The following CCR6 variants were observed in gnomAD, a reference collection of about 807,000 sequenced individuals.
CCR6 encodes the protein C-C chemokine receptor type 6.
Under a neutral mutation model 3.0 loss-of-function variants are expected in CCR6, and 2 were observed. The observed-to-expected ratio is 0.66, with a 90% confidence interval of 0.27 to 2.07. The LOEUF (loss-of-function observed/expected upper bound fraction) is 2.07, where lower values mean the gene tolerates loss of function less well. CCR6 is among the 30% of genes most tolerant of loss of function. The probability of loss-of-function intolerance (pLI) is 0.14; values close to 1 mark genes in which losing one functional copy is unlikely to be tolerated. For synonymous variants in CCR6, 193 were observed against 184.3 expected, an observed-to-expected ratio of 1.05 and a Z score of -0.38; for missense variants, 322 against 462.8, an observed-to-expected ratio of 0.70 and a Z score of 2.79.
intron 1 of CCR6, among the ~76,000 whole-genome samples, chr6:167,124,019 G>A (rs888467020): frequency 2.0e-5 from 3 of 152,156 alleles, no homozygotes; most frequent in Non-Finnish European, 4.4e-5. Context: ...GGCTGAGGCA[G>A]GAGAATCACT....
chr6:167,114,453 C>A (rs1781463684), intron 1 of CCR6, among the ~76,000 whole-genome samples: 1 of 152,192 alleles, frequency 6.6e-6, no homozygotes, highest in East Asian at 1.9e-4. Context: ...CATTTGAACC[C>A]CAAGGAGAGG....
upstream of CCR6, among the ~76,000 whole-genome samples, chr6:167,120,238 G>A (rs1781566031): frequency 6.6e-6 from 1 of 152,112 alleles, no homozygotes; most frequent in South Asian, 2.1e-4. Context: ...TTGGGCTGGG[G>A]GACTCCCACA....
chr6:167,123,542 T>C (rs1479652656), intron 1 of CCR6, among the ~76,000 whole-genome samples: 1 of 152,220 alleles, frequency 6.6e-6, no homozygotes, highest in African/African-American at 2.4e-5. Context: ...TGTGATTCTT[T>C]ATTTGATCAA....
In CCR6 at chr6:167,137,310, C is replaced by T. The variant is rs1781864554; in HGVS notation, c.1080C>T (p.Thr360=). Residue 360 remains threonine, a synonymous_variant, in exon 3 of 3, where the codon ACC becomes ACT. Coordinates refer to ENST00000341935, the MANE Select transcript of CCR6 (RefSeq NM_031409.4). This position sits in a 1 kb window ranked among gnomAD's most constrained non-coding sequence, Gnocchi z 4.6. Reference sequence around the variant, plus strand: ...ACTCAGAAAACATTTCTCGGCAGACCAGTGAGACCGCAGATAACGACAATG... The same window carrying T: ...ACTCAGAAAACATTTCTCGGCAGACTAGTGAGACCGCAGATAACGACAATG... ...GRYSENISRQ[T]SETADNDNAS... The T allele has an allele frequency of 6.2e-7, 1 of 1,613,732 alleles. No individual in the cohort carries two copies. The highest frequency in any genetic ancestry group is 1.3e-5 in the African/African-American group (1 of 74,868).
intron 1 of CCR6, among the ~76,000 whole-genome samples, chr6:167,112,203 G>A (rs113899837): frequency 0.028 from 4,306 of 152,252 alleles, 204 homozygotes; most frequent in African/African-American, 0.098. Flanking sequence ...CCTTTGTTGA[G>A]TCTATTATGT....
upstream of CCR6, among the ~76,000 whole-genome samples, chr6:167,120,682 G>T (rs1247634586): frequency 6.6e-6 from 1 of 152,184 alleles, no homozygotes; most frequent in Non-Finnish European, 1.5e-5. Context: ...CTTTTCTTAG[G>T]AATGAACTTC....
At chr6:167,135,338 G>A (rs964505717) in intron 1 of CCR6, among the ~76,000 whole-genome samples, 3 of 152,218 alleles carry the variant, frequency 2.0e-5, no homozygotes, top group African/African-American at 7.2e-5. Flanking sequence ...TGATTAGGAT[G>A]CCTCTGCCAC....
At position 167,136,083 on chromosome 6, in the gene CCR6, C is replaced by T. The variant is rs1353374271; in HGVS notation, c.-52C>T. 1 of 1,604,648 alleles carries T rather than the reference C, an allele frequency of 6.2e-7. No individual in the cohort carries two copies. Among genetic ancestry groups the T allele is most frequent in the Non-Finnish European group, 8.5e-7 (1 of 1,176,090 alleles). On this transcript the variant is annotated 5_prime_UTR_variant, in exon 2 of 3. Transcript: ENST00000341935. The surrounding 1 kb of genome is among the most constrained non-coding windows in gnomAD (Gnocchi z 4.6). ...TACCGCTGCCTGTGAGCTGAAGGGG[C>T]TGAACCATACACTCCTTTTTCTACA... is the stretch of plus-strand genomic sequence containing the variant.
chr6:167,131,267 T>C (rs1481885943), intron 1 of CCR6: 1 of 152,254 alleles, frequency 6.6e-6, no homozygotes, highest in Non-Finnish European at 1.5e-5. Context: ...CCGTAGACAG[T>C]TCATAAACAT....
intron 1 of CCR6, chr6:167,115,151 G>T (rs1781474026): frequency 3.9e-5 from 6 of 152,240 alleles, no homozygotes; most frequent in Admixed American, 3.9e-4. Context: ...GGCTAATGGG[G>T]GCTGTGCTGC....
intron 1 of CCR6, among the ~76,000 whole-genome samples, chr6:167,133,932 G>GTGTATA (rs1183741225): frequency 0.011 from 1,197 of 110,330 alleles, 92 homozygotes; most frequent in Middle Eastern, 0.026. Flanking sequence ...ATATATGTGT[G>GTGTATA]TATATATATA....
chr6:167,136,359 G>T lies in CCR6; in HGVS notation c.129G>T (p.Gln43His). 2 of 1,614,216 alleles carry T rather than the reference G, an allele frequency of 1.2e-6. No individual in the cohort carries two copies. The highest frequency in any genetic ancestry group is 1.7e-6 in the Non-Finnish European group (2 of 1,180,026). ...MLLCSLQEVR[Q>H]FSRLFVPIAY... ...TGTGCTCCTTGCAGGAGGTCAGGCA[G>T]TTCTCCAGGCTATTTGTACCGATTG... The change falls in exon 3 of 3, where the codon CAG becomes CAT. Residue 43 changes from glutamine to histidine, a missense_variant. Coordinates refer to ENST00000341935, the MANE Select transcript of CCR6 (RefSeq NM_031409.4). The surrounding 1 kb of genome is among the most constrained non-coding windows in gnomAD (Gnocchi z 4.6).
At chr6:167,130,396 A>G (rs567640277) in intron 1 of CCR6, among the ~76,000 whole-genome samples, 2 of 151,880 alleles carry the variant, frequency 1.3e-5, no homozygotes, top group Non-Finnish European at 2.9e-5. Flanking sequence ...TCACATCAAC[A>G]TTTTCTTAAT....
At chr6:167,133,785 G>A (rs972606658) in intron 1 of CCR6, among the ~76,000 whole-genome samples, 2 of 150,996 alleles carry the variant, frequency 1.3e-5, no homozygotes, top group Admixed American at 6.6e-5. Flanking sequence ...ATTAATTTAG[G>A]TCTTATTTAA....
Position 167,136,062 on chromosome 6 carries a change from G to A in CCR6, c.-73G>A, listed in dbSNP as rs17860849. 12,372 of 1,548,124 alleles carry A rather than the reference G, an allele frequency of 8.0e-3. 65 individuals carry two copies. The highest frequency in any genetic ancestry group is 9.9e-3 in the Non-Finnish European group (11,262 of 1,138,802). On this transcript the variant is annotated 5_prime_UTR_variant, in exon 2 of 3. Transcript: ENST00000341935. This position sits in a 1 kb window ranked among gnomAD's most constrained non-coding sequence, Gnocchi z 4.6. ...GAGTCACCTCTACTTTCCTGCTACCGCTGCCTGTGAGCTGAAGGGGCTGAA... is the reference window on the plus strand; with the variant it reads ...GAGTCACCTCTACTTTCCTGCTACCACTGCCTGTGAGCTGAAGGGGCTGAA...
chr6:167,130,993 C>CCCTCCCTCCGGGACTA, intron 1 of CCR6, among the ~76,000 whole-genome samples: 1 of 139,484 alleles, frequency 7.2e-6, no homozygotes, highest in Non-Finnish European at 1.6e-5. Flanking sequence ...CTCTGGACCC[C>CCCTCCCTCCGGGACTA]CTCCCTTTGG....
rs536228539 is a variant in CCR6, at chr6:167,132,274, T to C, written c.-97-3764T>C. Among the ~76,000 whole-genome samples the C allele has an allele frequency of 3.9e-5, 6 of 152,324 alleles. No individual in the cohort carries two copies. In the East Asian group the frequency reaches 9.6e-4, roughly 24 times the overall value. ...TTTTTCAGTTTGGGACGGTTAAGAA[T>C]AAACCTGCTGGGAATGTTCCAGTGT... On this transcript the variant is annotated intron_variant, in intron 1 of 2. Transcript: ENST00000341935.
chr6:167,131,555 G>A, intron 1 of CCR6: 1 of 152,912 alleles, frequency 6.5e-6, no homozygotes, highest in Non-Finnish European at 1.5e-5. Context: ...TGCAGCGACC[G>A]CTCCCCACAG....
chr6:167,124,822 C>G (rs934977783), intron 1 of CCR6, among the ~76,000 whole-genome samples: 1 of 148,198 alleles, frequency 6.7e-6, no homozygotes, highest in Non-Finnish European at 1.5e-5. Flanking sequence ...CACACATATG[C>G]GTGCATATAT....
Sources: gnomAD v4.1 joint callset for allele counts (sites outside exome capture counted in the v4.1 genomes callset) on GRCh38, gnomAD v4.1.1 for gene constraint, Gnocchi (gnomAD v3.1) non-coding constraint, MANE v1.5 for transcripts, NCBI Gene and HGNC (gene_info 2026-07-23, HGNC 2026-07-21) for gene names.